Variants in UMAD1 observed in about 807,000 individuals in gnomAD.
UMAD1 encodes the protein UBAP1-MVB12-associated (UMA)-domain containing protein 1.
Under a neutral mutation model 6.1 loss-of-function variants are expected in UMAD1, and 8 were observed. The observed-to-expected ratio is 1.30, with a 90% CI of 0.76 to 2.35. The LOEUF is 2.35. UMAD1 is among the 30% of genes most tolerant of loss of function. The pLI is 0.00. For synonymous variants in UMAD1, 56 were observed against 31.4 expected, an observed-to-expected ratio of 1.78 and a Z score of -2.61; for missense variants, 130 against 78.4, an observed-to-expected ratio of 1.66 and a Z score of -2.49.
intron 3 of UMAD1, among the ~76,000 whole-genome samples, chr7:7,833,595 A>C (rs1783505632): frequency 6.6e-6 from 1 of 152,226 alleles, no homozygotes; most frequent in South Asian, 2.1e-4. Flanking sequence ...GGAAGCGGGC[A>C]GATTTCAGAG....
intron 2 of UMAD1, among the ~76,000 whole-genome samples, chr7:7,798,037 T>C (rs1379945634): frequency 6.6e-6 from 1 of 152,218 alleles, no homozygotes; most frequent in African/African-American, 2.4e-5. Context: ...ATTTCTCTAA[T>C]ACAGACTGGA....
At chr7:7,843,944 A>G (rs1381198992) in intron 3 of UMAD1, among the ~76,000 whole-genome samples, 2 of 152,172 alleles carry the variant, frequency 1.3e-5, no homozygotes, top group African/African-American at 2.4e-5. Context: ...TATGTTTAAA[A>G]TTGACATTTG....
intron 3 of UMAD1, among the ~76,000 whole-genome samples, chr7:7,874,852 G>C (rs2115345024): frequency 6.6e-6 from 1 of 152,282 alleles, no homozygotes; most frequent in Admixed American, 6.5e-5. Flanking sequence ...GGCTTCTGGG[G>C]GCTGGTCTTT....
chr7:7,708,669 T>C (rs1054888031), intron 2 of UMAD1, among the ~76,000 whole-genome samples: 7 of 152,228 alleles, frequency 4.6e-5, no homozygotes, highest in Admixed American at 1.3e-4. Flanking sequence ...TTCCTACTAC[T>C]TCGTTTTGGC....
At chr7:7,816,818 G>A (rs190864479) in intron 3 of UMAD1, among the ~76,000 whole-genome samples, 1 of 152,166 alleles carries the variant, frequency 6.6e-6, no homozygotes, top group East Asian at 1.9e-4. Context: ...AGTGGTTCTG[G>A]CCTTATCTTT....
At position 7,769,089 on chromosome 7, in the gene UMAD1, C is replaced by T. The variant is rs570919983; in HGVS notation, c.83-32581C>T. 6.6e-5 allele frequency among the ~76,000 whole-genome samples: 10 copies of T among 152,282 alleles called. No individual in the cohort carries two copies. The South Asian group carries it at 2.1e-3, about 32-fold the overall frequency. ...AACACCAAGACCAGATGTCCCTTTTCATTCATCTGTCCAGAAATTTAGCTT... is the reference window on the plus strand; with the variant it reads ...AACACCAAGACCAGATGTCCCTTTTTATTCATCTGTCCAGAAATTTAGCTT... On this transcript the variant is annotated intron_variant, in intron 2 of 3. Transcript: ENST00000682710.
chr7:7,672,925 A>G (rs1439249399), intron 1 of UMAD1, among the ~76,000 whole-genome samples: 1 of 152,186 alleles, frequency 6.6e-6, no homozygotes, highest in Non-Finnish European at 1.5e-5. Context: ...TCACAACATG[A>G]CAAGAAACCT....
intron 2 of UMAD1, among the ~76,000 whole-genome samples, chr7:7,703,296 T>A (rs765297297): frequency 3.3e-5 from 5 of 152,210 alleles, no homozygotes; most frequent in Non-Finnish European, 2.9e-5. Flanking sequence ...ATGGAATTCG[T>A]GTGTTCTCAT....
intron 2 of UMAD1, among the ~76,000 whole-genome samples, chr7:7,721,169 A>T (rs35823742): frequency 6.6e-6 from 1 of 152,136 alleles, no homozygotes; most frequent in African/African-American, 2.4e-5. Flanking sequence ...CCTACTGACA[A>T]CTTGATTGAC....
At chr7:7,677,974 A>G (rs1240410659) in intron 2 of UMAD1, among the ~76,000 whole-genome samples, 4 of 152,156 alleles carry the variant, frequency 2.6e-5, no homozygotes, top group South Asian at 4.1e-4. Context: ...CGCCCGGCCT[A>G]TCTATTCATC....
At chr7:7,656,438 G>C (rs1785345145) in intron 1 of UMAD1, among the ~76,000 whole-genome samples, 1 of 152,056 alleles carries the variant, frequency 6.6e-6, no homozygotes, top group Non-Finnish European at 1.5e-5. Flanking sequence ...TCTACATTAG[G>C]TATTTCTTCT....
chr7:7,704,194 A>G (rs1337891154), intron 2 of UMAD1, among the ~76,000 whole-genome samples: 2 of 152,164 alleles, frequency 1.3e-5, no homozygotes, highest in Non-Finnish European at 2.9e-5. Flanking sequence ...GCTAGAAATT[A>G]AGGATATTTG....
chr7:7,749,314 A>C (rs1038161104), intron 2 of UMAD1, among the ~76,000 whole-genome samples: 1 of 152,184 alleles, frequency 6.6e-6, no homozygotes, highest in Non-Finnish European at 1.5e-5. Flanking sequence ...ATCTCACCTC[A>C]GTGAGAGTAC....
intron 3 of UMAD1, among the ~76,000 whole-genome samples, chr7:7,826,063 T>C (rs1023082103): frequency 6.6e-6 from 1 of 152,184 alleles, no homozygotes; most frequent in Non-Finnish European, 1.5e-5. Context: ...TTGGTTTTTT[T>C]CTAATAATTT....
At chr7:7,825,947 A>G (rs6958880) in intron 3 of UMAD1, among the ~76,000 whole-genome samples, 9,894 of 152,212 alleles carry the variant, frequency 0.065, 435 homozygotes, top group African/African-American at 0.12. Flanking sequence ...ATCCTTTCCT[A>G]TACTATAAGT....
At chr7:7,823,083 A>G (rs567534403) in intron 3 of UMAD1, among the ~76,000 whole-genome samples, 47 of 152,256 alleles carry the variant, frequency 3.1e-4, no homozygotes, top group Admixed American at 8.5e-4. Flanking sequence ...TACAGAGCAC[A>G]GTACTTAAGA....
rs548904523 is a variant in UMAD1 at position 7,671,805 on chromosome 7, A to G, written c.-63-1504A>G. Reference sequence around the variant, plus strand: ...TATAGAGAGTGCCAAACTGTTTTCAAACTTTTCTTTTGTATCTATTACTAT... The same window carrying G: ...TATAGAGAGTGCCAAACTGTTTTCAGACTTTTCTTTTGTATCTATTACTAT... On this transcript the variant is annotated intron_variant, in intron 1 of 3. Coordinates refer to ENST00000682710, the MANE Select transcript of UMAD1 (RefSeq NM_001302348.2). Among the ~76,000 whole-genome samples the G allele has an allele frequency of 6.6e-5, 10 of 152,122 alleles. No individual in the cohort carries two copies. In the South Asian group the frequency reaches 1.9e-3, roughly 28 times the overall value.
At chr7:7,851,494 T>C (rs1296728334) in intron 3 of UMAD1, among the ~76,000 whole-genome samples, 2 of 152,152 alleles carry the variant, frequency 1.3e-5, no homozygotes, top group African/African-American at 4.8e-5. Flanking sequence ...TTTTCTGAAG[T>C]AGCTGCACCA....
intron 2 of UMAD1, among the ~76,000 whole-genome samples, chr7:7,769,607 A>T (rs1156661896): frequency 6.6e-6 from 1 of 152,118 alleles, no homozygotes; most frequent in African/African-American, 2.4e-5. Flanking sequence ...AGGCCAATCA[A>T]ATTTATTGTG....
Sources: allele counts gnomAD v4.1 joint callset (sites outside exome capture counted in the v4.1 genomes callset), GRCh38; gene constraint gnomAD v4.1.1; transcripts MANE v1.5; gene names NCBI Gene and HGNC (gene_info 2026-07-23, HGNC 2026-07-21).